SOX5: variants seen among roughly 807,000 people sequenced by gnomAD.
SOX5 encodes SRY-box transcription factor 5, also known as transcription factor SOX-5.
A neutral mutation model predicts 92.0 loss-of-function variants in SOX5; 9 were observed. The ratio of observed to expected loss-of-function variants is 0.10; its 90% CI spans 0.06 to 0.17. The LOEUF (loss-of-function observed/expected upper bound fraction) is 0.17. Ranked by LOEUF, SOX5 falls within the 10% of genes least tolerant of loss-of-function variation. The pLI, the probability that SOX5 is intolerant of heterozygous loss-of-function variation, is 1.00. For missense variants in SOX5, 642 were observed against 944.5 expected (o/e 0.68, Z 4.20); for synonymous variants, 344 against 336.3 (o/e 1.02, Z -0.25).
intron 4 of SOX5, among the ~76,000 whole-genome samples, chr12:24,159,803 G>A (rs940363195): frequency 2.6e-5 from 4 of 151,940 alleles, no homozygotes; most frequent in Admixed American, 6.6e-5. Flanking sequence ...GAAACATGAT[G>A]CTGACAGACT....
intron 1 of SOX5, among the ~76,000 whole-genome samples, chr12:24,403,184 C>A (rs1962149225): frequency 6.6e-6 from 1 of 152,176 alleles, no homozygotes. Context: ...TCTTTTCTGG[C>A]TAAAGCATTT....
chr12:23,868,831 T>C (rs1393894149), intron 2 of SOX5, among the ~76,000 whole-genome samples: 2 of 152,124 alleles, frequency 1.3e-5, no homozygotes, highest in Admixed American at 1.3e-4. Flanking sequence ...ATAAACTAAA[T>C]AATAAATTGA....
chr12:23,674,348 T>TTTTTTTTTTTC (rs2085305219), intron 6 of SOX5, among the ~76,000 whole-genome samples: 1 of 140,306 alleles, frequency 7.1e-6, no homozygotes, highest in South Asian at 2.4e-4. Flanking sequence ...TTTTTTTTTT[T>TTTTTTTTTTTC]TTTTTTGAGA....
chr12:24,511,477 T>C (rs1362195339), intron 1 of SOX5, among the ~76,000 whole-genome samples: 1 of 152,204 alleles, frequency 6.6e-6, no homozygotes, highest in Non-Finnish European at 1.5e-5. Flanking sequence ...AATGTATTCC[T>C]AAAGGCATAT....
intron 2 of SOX5, among the ~76,000 whole-genome samples, chr12:24,289,834 A>C (rs187361105): frequency 1.7e-3 from 260 of 152,342 alleles, no homozygotes; most frequent in Non-Finnish European, 3.0e-3. Context: ...TTTACCATCC[A>C]GTATCACAAG....
intron 1 of SOX5, among the ~76,000 whole-genome samples, chr12:23,933,793 T>C (rs929081060): frequency 1.3e-5 from 2 of 151,578 alleles, no homozygotes; most frequent in African/African-American, 4.8e-5. Context: ...TGTATACTCT[T>C]AAACCTGGAG....
chr12:24,424,818 G>GGA (rs1555286243), intron 1 of SOX5, among the ~76,000 whole-genome samples: 4 of 149,148 alleles, frequency 2.7e-5, no homozygotes, highest in Admixed American at 6.7e-5. Context: ...TGGGGGGGGG[G>GGA]GATGGCTGTT....
chr12:24,280,663 T>C (rs1029970686), intron 2 of SOX5, among the ~76,000 whole-genome samples: 1 of 152,044 alleles, frequency 6.6e-6, no homozygotes, highest in Non-Finnish European at 1.5e-5. Flanking sequence ...GGGTATTTCA[T>C]TTACCAGATA....
At chr12:24,290,596 C>T (rs1475255167) in intron 2 of SOX5, among the ~76,000 whole-genome samples, 1 of 152,170 alleles carries the variant, frequency 6.6e-6, no homozygotes, top group African/African-American at 2.4e-5. Context: ...AATGTGAGCC[C>T]ATCTTGTGTC....
At chr12:23,959,110 A>G (rs1946604770) in intron 4 of SOX5, among the ~76,000 whole-genome samples, 1 of 151,906 alleles carries the variant, frequency 6.6e-6, no homozygotes, top group South Asian at 2.1e-4. Context: ...AATTTAATGT[A>G]TAAATGTAAT....
At chr12:24,193,599 C>T (rs1956732042) in intron 4 of SOX5, among the ~76,000 whole-genome samples, 1 of 152,190 alleles carries the variant, frequency 6.6e-6, no homozygotes, top group Admixed American at 6.5e-5. Flanking sequence ...TCTCTTTGAG[C>T]ACAAACTGTT....
intron 1 of SOX5, among the ~76,000 whole-genome samples, chr12:23,907,684 T>A (rs2097308078): frequency 6.6e-6 from 1 of 152,080 alleles, no homozygotes; most frequent in Non-Finnish European, 1.5e-5. Context: ...ATTCACCATA[T>A]TCATCATGGG....
chr12:24,524,061 G>A (rs141234969), intron 1 of SOX5, among the ~76,000 whole-genome samples: 5 of 152,344 alleles, frequency 3.3e-5, no homozygotes, highest in African/African-American at 1.2e-4. Context: ...ATACTTAACG[G>A]TTTGCCTGTG....
chr12:23,728,948 A>G (rs1186987991), intron 6 of SOX5, among the ~76,000 whole-genome samples: 2 of 152,156 alleles, frequency 1.3e-5, no homozygotes, highest in Non-Finnish European at 2.9e-5. Context: ...AAGCCTTTCT[A>G]AAAACCTCTT....
chr12:24,550,612 A>G (rs1292661702), intron 1 of SOX5, among the ~76,000 whole-genome samples: 1 of 152,198 alleles, frequency 6.6e-6, no homozygotes, highest in Non-Finnish European at 1.5e-5. Flanking sequence ...CGGAAAGATT[A>G]TGTTGAAAAT....
chr12:23,919,446 A>G (rs1302773122), intron 1 of SOX5, among the ~76,000 whole-genome samples: 1 of 152,200 alleles, frequency 6.6e-6, no homozygotes, highest in Non-Finnish European at 1.5e-5. Flanking sequence ...ATATCTTGGT[A>G]TTTGTTGTCA....
chr12:24,396,531 C>T (rs774348324), intron 1 of SOX5, among the ~76,000 whole-genome samples: 6 of 152,228 alleles, frequency 3.9e-5, no homozygotes, highest in African/African-American at 7.2e-5. Context: ...TGGTTAACCC[C>T]GTTGGTGCCG....
rs1197938250 is a variant in SOX5, at chr12:24,189,572, A to G, written c.-2+23771T>C. ...TCATCCTAACATCCAATTATTTCTC[A>G]GTGGAAGTTTGATACTGCCTTCAAA... is the stretch of plus-strand genomic sequence containing the variant. On this transcript the variant is annotated intron_variant, in intron 4 of 4. Coordinates refer to the SOX5 transcript ENST00000446891. Among the ~76,000 whole-genome samples the G allele has an allele frequency of 5.3e-5, 8 of 152,138 alleles. No individual in the cohort carries two copies. The East Asian group carries it at 1.5e-3, about 29-fold the overall frequency.
At chr12:24,449,611 C>T (rs1941975281) in intron 1 of SOX5, among the ~76,000 whole-genome samples, 2 of 152,092 alleles carry the variant, frequency 1.3e-5, no homozygotes, top group African/African-American at 4.8e-5. Flanking sequence ...TAGCATCAGA[C>T]CCAAAACAGG....
Sources: allele counts gnomAD v4.1 joint callset (sites outside exome capture counted in the v4.1 genomes callset), GRCh38; gene constraint gnomAD v4.1.1; transcripts MANE v1.5; gene names NCBI Gene and HGNC (gene_info 2026-07-23, HGNC 2026-07-21).